SERPINB10: variants seen among roughly 807,000 people sequenced by gnomAD.
SERPINB10 encodes the protein serpin B10.
In SERPINB10, 35 loss-of-function variants were observed where a neutral mutation model predicts 39.1. That is an observed-to-expected ratio of 0.90 (90% confidence interval 0.68 to 1.19). SERPINB10 has a LOEUF of 1.19. Among genes scored for constraint, SERPINB10 ranks in the 50% most tolerant of loss-of-function variants. The pLI is 0.00. For missense variants in SERPINB10, 546 were observed against 460.5 expected, an observed-to-expected ratio of 1.19 and a Z score of -1.70; for synonymous variants, 190 against 158.1, an observed-to-expected ratio of 1.20 and a Z score of -1.52.
At chr18:63,919,551 G>C (rs117306233) in intron 4 of SERPINB10, among the ~76,000 whole-genome samples, 1 of 151,912 alleles carries the variant, frequency 6.6e-6, no homozygotes, top group South Asian at 2.1e-4. Flanking sequence ...AAAAATGTGG[G>C]CATCCGTACT....
intron 1 of SERPINB10, among the ~76,000 whole-genome samples, chr18:63,913,809 T>C (rs2050082116): frequency 6.6e-6 from 1 of 152,028 alleles, no homozygotes; most frequent in Non-Finnish European, 1.5e-5. Context: ...AGTTTTTCTT[T>C]GTTAGTTTTC....
intron 1 of SERPINB10, among the ~76,000 whole-genome samples, chr18:63,913,351 G>A (rs1249278139): frequency 6.6e-6 from 1 of 151,524 alleles, no homozygotes; most frequent in East Asian, 1.9e-4. Flanking sequence ...TCTCTAGTTC[G>A]TCTAGGTCTG....
At position 63,908,026 on chromosome 18, in the gene SERPINB10, G is replaced by C. The variant is rs753317570; in HGVS notation, c.-24G>C. On this transcript the variant is annotated 5_prime_UTR_variant, in exon 1 of 8. Transcript: ENST00000238508. ...GGAGCAAATTGCCAATTCTGCTCCA[G>C]TGGGAGAAAACAAGGTATTGTAAAT... The C allele has an allele frequency of 9.9e-5, 34 of 342,210 alleles. No homozygotes were observed. The highest frequency in any genetic ancestry group is 1.6e-4 in the Non-Finnish European group (27 of 165,384). The allele number at this position is 342,210 out of a possible 1,614,324, so 21.2% of individuals were successfully genotyped here.
chr18:63,924,772 C>G (rs1321397420), intron 5 of SERPINB10, among the ~76,000 whole-genome samples: 1 of 151,944 alleles, frequency 6.6e-6, no homozygotes, highest in Non-Finnish European at 1.5e-5. Flanking sequence ...CTCTATCAGT[C>G]TAATCCATCT....
In SERPINB10 at chr18:63,930,171, C is replaced by A. The variant is rs142615821; in HGVS notation, c.617C>A (p.Pro206His). Reference sequence around the variant, plus strand: ...TTAGTGCAAAACACCACAGAAAAGCCTTTTAGAATAAACGAGGTAGGAAAT... The same window carrying A: ...TTAGTGCAAAACACCACAGAAAAGCATTTTAGAATAAACGAGGTAGGAAAT... ...QFLVQNTTEK[P>H]FRINETTSKP... Residue 206 changes from proline (P) to histidine (H), a missense_variant, in exon 6 of 8, where the codon CCT (proline) becomes CAT (histidine). Transcript: ENST00000238508. 2 of 1,612,960 alleles carry A rather than the reference C, an allele frequency of 1.2e-6. No homozygotes were observed. Among genetic ancestry groups the A allele is most frequent in the Non-Finnish European group, 8.5e-7 (1 of 1,179,430 alleles).
intron 1 of SERPINB10, among the ~76,000 whole-genome samples, chr18:63,911,864 G>T (rs142156773): frequency 6.6e-6 from 1 of 152,010 alleles, no homozygotes. Context: ...GTTTGCCTTC[G>T]GCAGTATGGC....
At position 63,933,048 on chromosome 18, in the gene SERPINB10, A is replaced by T; in HGVS notation, c.634A>T (p.Thr212Ser). ...TTEKPFRINE[T>S]TSKPVQMMFM... ...TTTTTTGTTTTTTTGTTTTTTTTAGACTACAAGCAAACCAGTGCAAATGAT... is the reference window on the plus strand; with the variant it reads ...TTTTTTGTTTTTTTGTTTTTTTTAGTCTACAAGCAAACCAGTGCAAATGAT... Residue 212 changes from threonine to serine, a missense_variant and splice_region_variant, in exon 7 of 8, where the codon ACT becomes TCT. Physicochemically the swap from Thr to Ser is moderately conservative, Grantham distance 58. Coordinates refer to ENST00000238508, the MANE Select transcript of SERPINB10 (RefSeq NM_005024.3). 1.4e-5 allele frequency: 23 copies of T among 1,608,946 alleles called. No homozygotes were observed. Among genetic ancestry groups the T allele is most frequent in the Non-Finnish European group, 1.9e-5 (22 of 1,178,768 alleles).
chr18:63,921,187 T>A (rs2050144473), intron 5 of SERPINB10, among the ~76,000 whole-genome samples: 1 of 151,974 alleles, frequency 6.6e-6, no homozygotes, highest in Non-Finnish European at 1.5e-5. Context: ...GATTAATTCA[T>A]CATTTGTCAT....
At chr18:63,918,870 T>G (rs764033573) in intron 4 of SERPINB10, among the ~76,000 whole-genome samples, 1 of 151,970 alleles carries the variant, frequency 6.6e-6, no homozygotes, top group Non-Finnish European at 1.5e-5. Context: ...ATTGACTCAG[T>G]GGGCACTTAG....
intron 6 of SERPINB10, among the ~76,000 whole-genome samples, chr18:63,930,461 T>A (rs967609458): frequency 6.6e-6 from 1 of 152,098 alleles, no homozygotes; most frequent in Admixed American, 6.6e-5. Context: ...AGAAATATAG[T>A]GTGGCCAAGT....
chr18:63,916,130 A>T (rs1228008570), intron 2 of SERPINB10, among the ~76,000 whole-genome samples: 1 of 151,960 alleles, frequency 6.6e-6, no homozygotes, highest in Non-Finnish European at 1.5e-5. Context: ...GTCCCTGGTT[A>T]TCTGAATGAA....
At chr18:63,909,664 C>A (rs2144715452) in intron 1 of SERPINB10, among the ~76,000 whole-genome samples, 1 of 152,068 alleles carries the variant, frequency 6.6e-6, no homozygotes, top group South Asian at 2.1e-4. Flanking sequence ...AAAACCCCAG[C>A]CTCTGAAATG....
At chr18:63,909,506 A>C (rs1308511448) in intron 1 of SERPINB10, among the ~76,000 whole-genome samples, 3 of 152,094 alleles carry the variant, frequency 2.0e-5, no homozygotes, top group Admixed American at 6.6e-5. Flanking sequence ...TGATATACAA[A>C]TAATGATATT....
chr18:63,919,979 T>A, intron 5 of SERPINB10, 74 bp downstream of exon 5: 1 of 838,826 alleles, frequency 1.2e-6, no homozygotes, highest in Admixed American at 2.2e-5. Context: ...TTGTGTCATA[T>A]GTAAGTATGT....
At chr18:63,932,562 TG>T (rs1211090456) in intron 6 of SERPINB10, among the ~76,000 whole-genome samples, 1 of 152,220 alleles carries the variant, frequency 6.6e-6, no homozygotes, top group Non-Finnish European at 1.5e-5. Flanking sequence ...CTGGCTTGTT[TG>T]TTTTATTATT....
At chr18:63,915,759 C>A in intron 2 of SERPINB10, 81 bp downstream of exon 2, 2 of 1,201,664 alleles carry the variant, frequency 1.7e-6, no homozygotes, top group Non-Finnish European at 2.3e-6. Flanking sequence ...TTTCTCTTGA[C>A]AACTCAATAA....
chr18:63,919,448 C>A (rs181689441), intron 4 of SERPINB10, among the ~76,000 whole-genome samples: 1 of 152,040 alleles, frequency 6.6e-6, no homozygotes, highest in East Asian at 1.9e-4. Context: ...CTCTTGGCCA[C>A]TGGGGTCACT....
chr18:63,913,030 A>G (rs1225235422), intron 1 of SERPINB10, among the ~76,000 whole-genome samples: 92 of 152,034 alleles, frequency 6.1e-4, no homozygotes, highest in African/African-American at 2.1e-3. Context: ...TCAGGAATTT[A>G]TTCATTTTCT....
intron 1 of SERPINB10, among the ~76,000 whole-genome samples, chr18:63,912,164 G>A (rs578207218): frequency 1.7e-4 from 26 of 151,866 alleles, no homozygotes; most frequent in Non-Finnish European, 3.7e-4. Flanking sequence ...GCCATTTTTC[G>A]GTTCCAGGAG....
Sources: allele counts gnomAD v4.1 joint callset (sites outside exome capture counted in the v4.1 genomes callset), GRCh38; gene constraint gnomAD v4.1.1; transcripts MANE v1.5; gene names NCBI Gene and HGNC (gene_info 2026-07-23, HGNC 2026-07-21).